The following KLF15 variants were observed in gnomAD, a reference collection of about 807,000 sequenced individuals.
The protein encoded by KLF15 is KLF transcription factor 15, also known as Krueppel-like factor 15.
A neutral mutation model predicts 24.6 loss-of-function variants in KLF15; 4 were observed. The observed-to-expected ratio is 0.16, with a 90% CI of 0.08 to 0.37. KLF15 has a LOEUF of 0.37. KLF15 is among the 10% of genes least tolerant of loss of function. The pLI is 1.00. For synonymous variants in KLF15, 246 were observed against 236.3 expected (o/e 1.04, Z -0.37); for missense variants, 496 against 560.6 (o/e 0.88, Z 1.16).
chr3:126,343,732 TCACGGAGCG>T lies in KLF15; in HGVS notation c.1237_1245del (p.Arg413_Val415del). 6.2e-7 allele frequency: 1 copy of T among 1,610,696 alleles called. No homozygotes were observed. Among genetic ancestry groups the T allele is most frequent in the South Asian group, 1.1e-5 (1 of 90,722 alleles). ...GGCTGGGGTTCAGGGCGCTTTCAGTTCACGGAGCGCACGGAGCGGCTGCTCCGCGGGAAG... is the reference window on the plus strand; with the variant it reads ...GGCTGGGGTTCAGGGCGCTTTCAGTTCACGGAGCGGCTGCTCCGCGGGAAG... On this transcript the variant is annotated inframe_deletion, in exon 3 of 3. Coordinates refer to ENST00000296233, the MANE Select transcript of KLF15 (RefSeq NM_014079.4).
the KLF15 span, among the ~76,000 whole-genome samples, chr3:126,315,470 G>C: frequency 6.6e-6 from 1 of 152,172 alleles, no homozygotes; most frequent in Non-Finnish European, 1.5e-5. Flanking sequence ...GCGGGACCTA[G>C]GGCCACATCT....
At chr3:126,316,536 T>TGGGCCAGAGTAGGGGAGGGAGTACAC in the KLF15 span, among the ~76,000 whole-genome samples, 1 of 112,182 alleles carries the variant, frequency 8.9e-6, no homozygotes, top group Non-Finnish European at 1.7e-5. Context: ...AGGGAGTACA[T>TGGGCCAGAGTAGGGGAGGGAGTACAC]GGGCCGGAGT....
chr3:126,299,747 C>CAAAAA, the KLF15 span, among the ~76,000 whole-genome samples: 1 of 55,978 alleles, frequency 1.8e-5, no homozygotes, highest in African/African-American at 7.8e-5. Context: ...CACTCCATCT[C>CAAAAA]AAAAAAAAAA....
At chr3:126,301,610 CT>C in the KLF15 span, among the ~76,000 whole-genome samples, 629 of 132,266 alleles carry the variant, frequency 4.8e-3, 6 homozygotes, top group African/African-American at 0.015. Context: ...TTTTCTTTTT[CT>C]TTTTTTTTTT....
chr3:126,289,576 G>A, the KLF15 span, among the ~76,000 whole-genome samples: 4 of 152,192 alleles, frequency 2.6e-5, no homozygotes, highest in Non-Finnish European at 5.9e-5. Flanking sequence ...TAAAGGAAAC[G>A]AATTTAAAAG....
Position 126,352,136 on chromosome 3 carries a change from C to G in KLF15, c.787G>C (p.Val263Leu), listed in dbSNP as rs376824998. ...VNIQGQTFAL[V>L]PQVVPSSNLN... ...TTGGAGGAGGGTACCACCTGGGGCA[C>G]GAGTGCGAAGGTCTGCCCCTGGATG... Residue 263 changes from valine (V) to leucine (L), a missense_variant, in exon 2 of 3, where the codon GTG becomes CTG. Physicochemically the swap from Val to Leu is conservative, Grantham distance 32. Around this residue, in one of 3 missense-constraint regions of KLF15, gnomAD observed 399 missense variants for 423.1 expected, o/e 0.94. Transcript: ENST00000296233. 5 of 1,565,198 alleles carry G rather than the reference C, an allele frequency of 3.2e-6. No homozygotes were observed. The highest frequency in any genetic ancestry group is 4.3e-6 in the Non-Finnish European group (5 of 1,154,360).
intron 2 of KLF15, among the ~76,000 whole-genome samples, chr3:126,348,898 T>C (rs2082559233): frequency 1.3e-5 from 2 of 152,078 alleles, no homozygotes; most frequent in Admixed American, 1.3e-4. Context: ...TGGCAGGAAG[T>C]ATGCAAGTTA....
chr3:126,326,742 C>T, the KLF15 span, among the ~76,000 whole-genome samples: 1 of 152,064 alleles, frequency 6.6e-6, no homozygotes. Flanking sequence ...TTGTTTTTAA[C>T]TGTTGTTGTA....
intron 2 of KLF15, 66 bp downstream of exon 2, chr3:126,351,775 C>T: frequency 6.7e-7 from 1 of 1,498,888 alleles, no homozygotes; most frequent in Non-Finnish European, 8.9e-7. Context: ...GGCCCTGCTG[C>T]ACACCCAAGT....
chr3:126,316,678 G>A, the KLF15 span, among the ~76,000 whole-genome samples: 2 of 151,276 alleles, frequency 1.3e-5, no homozygotes, highest in African/African-American at 4.9e-5. Flanking sequence ...GGCTGGAGTG[G>A]GGCTGGGAGT....
the KLF15 span, among the ~76,000 whole-genome samples, chr3:126,330,411 A>G: frequency 1.3e-5 from 2 of 152,194 alleles, no homozygotes; most frequent in East Asian, 1.9e-4. Context: ...GTGTCTGGCC[A>G]TTGATTGAAC....
At chr3:126,307,432 C>T in the KLF15 span, among the ~76,000 whole-genome samples, 3 of 152,200 alleles carry the variant, frequency 2.0e-5, no homozygotes, top group African/African-American at 7.2e-5. Flanking sequence ...GACTGTGCAA[C>T]AGGGCTTGTG....
chr3:126,309,818 A>G, the KLF15 span, among the ~76,000 whole-genome samples: 1 of 152,214 alleles, frequency 6.6e-6, no homozygotes, highest in Non-Finnish European at 1.5e-5. Flanking sequence ...AACGTCAGGA[A>G]GTGCTCAGAG....
chr3:126,354,562 T>C (rs1251170949), intron 1 of KLF15, among the ~76,000 whole-genome samples: 1 of 152,188 alleles, frequency 6.6e-6, no homozygotes, highest in African/African-American at 2.4e-5. Flanking sequence ...CCAGGAAGCT[T>C]CACGGAGCTC....
the KLF15 span, among the ~76,000 whole-genome samples, chr3:126,322,020 A>T: frequency 6.6e-6 from 1 of 152,158 alleles, no homozygotes; most frequent in South Asian, 2.1e-4. Flanking sequence ...TCATCCTTGC[A>T]TTCTGTCCAT....
In KLF15 at chr3:126,352,019, C is replaced by T. The variant is rs867343522; in HGVS notation, c.904G>A (p.Gly302Ser). 13 of 1,546,794 alleles carry T rather than the reference C, an allele frequency of 8.4e-6. No individual in the cohort carries two copies. Among genetic ancestry groups the T allele is most frequent in the Admixed American group, 7.9e-5 (4 of 50,544 alleles). Residue 302 changes from glycine (G) to serine (S), a missense_variant, in exon 2 of 3, where the codon GGT becomes AGT. Gly to Ser is a moderately conservative substitution (Grantham distance 56, BLOSUM62 0). This residue lies in a region of KLF15 where 399 missense variants were observed against 423.1 expected (regional missense o/e 0.94). Transcript: ENST00000296233. ...GSGPLGPGPA[G>S]LLMGQKFPKN... ...GGGAACTTCTGGCCCATGAGGAGAC[C>T]GGCAGGGCCAGGCCCCAGGGGTCCC...
chr3:126,322,665 G>T, the KLF15 span, among the ~76,000 whole-genome samples: 1 of 152,178 alleles, frequency 6.6e-6, no homozygotes, highest in Admixed American at 6.5e-5. Context: ...AATTGTGAAG[G>T]TCCACCATAG....
the KLF15 span, among the ~76,000 whole-genome samples, chr3:126,292,420 G>A: frequency 1.6e-4 from 25 of 152,158 alleles, no homozygotes; most frequent in Non-Finnish European, 2.9e-4. Context: ...TGCTCCCCAC[G>A]GGAGGGCTAC....
At chr3:126,289,567 A>G in the KLF15 span, among the ~76,000 whole-genome samples, 1 of 152,226 alleles carries the variant, frequency 6.6e-6, no homozygotes, top group Non-Finnish European at 1.5e-5. Flanking sequence ...CACTAGTAAT[A>G]AAGGAAACGA....
Sources: allele counts gnomAD v4.1 joint callset (sites outside exome capture counted in the v4.1 genomes callset), GRCh38; gene constraint gnomAD v4.1.1; regional missense constraint gnomAD v4.1.1; transcripts MANE v1.5; gene names NCBI Gene and HGNC (gene_info 2026-07-23, HGNC 2026-07-21).